The following GRIA4 variants were observed in gnomAD, a reference collection of about 807,000 sequenced individuals.
GRIA4 encodes glutamate ionotropic receptor AMPA type subunit 4, also known as glutamate receptor 4.
In GRIA4, 34 loss-of-function variants were observed where a neutral mutation model predicts 104.0. The ratio of observed to expected loss-of-function variants is 0.33; its 90% CI spans 0.25 to 0.44. The LOEUF (loss-of-function observed/expected upper bound fraction) is 0.44, where lower values mean the gene tolerates loss of function less well. Ranked by LOEUF, GRIA4 falls within the 20% of genes least tolerant of loss-of-function variation. The pLI, the probability that GRIA4 is intolerant of heterozygous loss-of-function variation, is 1.00. For missense variants in GRIA4, 750 were observed against 1,096.5 expected (o/e 0.68, Z 4.46); for synonymous variants, 386 against 381.9 (o/e 1.01, Z -0.13).
intron 3 of GRIA4, among the ~76,000 whole-genome samples, chr11:105,648,393 T>A (rs1331152740): frequency 6.6e-6 from 1 of 151,344 alleles, no homozygotes; most frequent in Non-Finnish European, 1.5e-5. Context: ...ATAATAAATA[T>A]TCTATTTTTA....
chr11:105,706,893 A>C (rs186370280), intron 3 of GRIA4: 2 of 152,430 alleles, frequency 1.3e-5, no homozygotes, highest in Non-Finnish European at 1.5e-5. Context: ...GAAGGCCTTA[A>C]GTTTGATCAA....
intron 3 of GRIA4, among the ~76,000 whole-genome samples, chr11:105,641,928 C>G (rs750449082): frequency 6.6e-6 from 1 of 152,118 alleles, no homozygotes; most frequent in Middle Eastern, 3.4e-3. Flanking sequence ...TTCTGGAGGC[C>G]GAAAGTCTGA....
rs182855011 is a variant in GRIA4, at chr11:105,981,653, G to A, written c.*1914G>A. ...CACATGAGCCCCTTCATGACCTGGC[G>A]CTTGCTTATTTCTTCCAGGACTTCT... is the stretch of plus-strand genomic sequence containing the variant. On this transcript the variant is annotated 3_prime_UTR_variant, in exon 17 of 17. Transcript: ENST00000282499. 448 of 151,474 alleles carry A rather than the reference G, an allele frequency of 3.0e-3. 4 individuals are homozygous for A. Among genetic ancestry groups the A allele is most frequent in the Middle Eastern group, 0.027 (8 of 296 alleles). The allele number at this position is 151,474 out of a possible 1,614,324, so 9.4% of individuals were successfully genotyped here. A position where few individuals can be genotyped will look rare whatever the true frequency, so the allele number is the denominator to read the frequency against.
intron 16 of GRIA4, among the ~76,000 whole-genome samples, chr11:105,979,374 A>G (rs900518483): frequency 2.0e-5 from 3 of 152,240 alleles, no homozygotes; most frequent in Non-Finnish European, 4.4e-5. Context: ...GTAGGACCAC[A>G]AACTCTAGAC....
At chr11:105,774,952 C>T (rs866737346) in intron 4 of GRIA4, among the ~76,000 whole-genome samples, 5 of 152,108 alleles carry the variant, frequency 3.3e-5, no homozygotes, top group South Asian at 2.1e-4. Flanking sequence ...CAATCCTGAA[C>T]GTCAGAAGGA....
intron 3 of GRIA4, among the ~76,000 whole-genome samples, chr11:105,666,289 T>C (rs1239702097): frequency 6.6e-6 from 1 of 152,088 alleles, no homozygotes; most frequent in African/African-American, 2.4e-5. Flanking sequence ...ATATTTTGAA[T>C]ACTATTATAT....
intron 14 of GRIA4, among the ~76,000 whole-genome samples, chr11:105,956,179 T>C (rs1161659813): frequency 2.6e-5 from 4 of 152,144 alleles, no homozygotes; most frequent in South Asian, 4.1e-4. Flanking sequence ...TACATATGTA[T>C]ACATGTGCCA....
intron 3 of GRIA4, among the ~76,000 whole-genome samples, chr11:105,643,975 T>A (rs928349610): frequency 6.6e-6 from 1 of 152,284 alleles, no homozygotes; most frequent in African/African-American, 2.4e-5. Flanking sequence ...TGCCTCGGCC[T>A]CCCAGAGTGC....
In GRIA4 at chr11:105,712,717, G is replaced by GT. The variant is rs139893501; in HGVS notation, c.248-40256dup. 3.0e-3 allele frequency among the ~76,000 whole-genome samples: 454 copies of GT among 151,168 alleles called. 6 individuals carry two copies. Among genetic ancestry groups the GT allele is most frequent in the African/African-American group, 0.011 (443 of 41,214 alleles). The stretch of plus-strand genomic sequence containing the variant: ...TTTGTTTTTGTTTTGCTTTGTTTTT[G>GT]TTTTTTTTAATATAGAGAAAGCTTT... On this transcript the variant is annotated intron_variant, in intron 3 of 16. Coordinates refer to ENST00000282499, the MANE Select transcript of GRIA4 (RefSeq NM_000829.4).
intron 10 of GRIA4, chr11:105,911,775 A>AATAT (rs60005308): frequency 0.094 from 6,967 of 74,216 alleles, 638 homozygotes; most frequent in Non-Finnish European, 0.11. Flanking sequence ...CTTGAAAAGC[A>AATAT]ATATATATAT....
chr11:105,787,568 T>A (rs1360248411), intron 4 of GRIA4, among the ~76,000 whole-genome samples: 1 of 145,054 alleles, frequency 6.9e-6, no homozygotes, highest in Admixed American at 7.3e-5. Context: ...TTCTGTCTCC[T>A]GGGTTCAAGC....
At chr11:105,944,311 G>T (rs1948253030) in intron 14 of GRIA4, among the ~76,000 whole-genome samples, 1 of 152,084 alleles carries the variant, frequency 6.6e-6, no homozygotes. Context: ...ACTTGATGAA[G>T]AATTTTAATA....
intron 4 of GRIA4, among the ~76,000 whole-genome samples, chr11:105,809,296 A>C (rs976371087): frequency 6.6e-6 from 1 of 152,194 alleles, no homozygotes; most frequent in African/African-American, 2.4e-5. Context: ...TACAAAGTGT[A>C]ATGATCAAAT....
intron 5 of GRIA4, among the ~76,000 whole-genome samples, chr11:105,881,231 C>T (rs1946045124): frequency 6.6e-6 from 1 of 152,112 alleles, no homozygotes; most frequent in Admixed American, 6.6e-5. Context: ...ACCAACTCCT[C>T]TCAGGAATTG....
At chr11:105,794,469 G>GTATATATATA (rs1200611859) in intron 4 of GRIA4, among the ~76,000 whole-genome samples, 549 of 40,634 alleles carry the variant, frequency 0.014, 100 homozygotes, top group Non-Finnish European at 0.018. Context: ...GTGTGTATAT[G>GTATATATATA]TATGTATATA....
chr11:105,732,671 C>A (rs533127569), intron 3 of GRIA4, among the ~76,000 whole-genome samples: 2 of 152,152 alleles, frequency 1.3e-5, no homozygotes, highest in African/African-American at 4.8e-5. Context: ...GATTTTTACA[C>A]GATCCAATGC....
intron 4 of GRIA4, among the ~76,000 whole-genome samples, chr11:105,800,541 AC>A (rs1469464863): frequency 6.6e-6 from 1 of 152,080 alleles, no homozygotes; most frequent in African/African-American, 2.4e-5. Flanking sequence ...GTTTCTCAAA[AC>A]AAAAATACAT....
intron 4 of GRIA4, among the ~76,000 whole-genome samples, chr11:105,766,881 A>T (rs1940970965): frequency 6.6e-6 from 1 of 152,088 alleles, no homozygotes; most frequent in African/African-American, 2.4e-5. Context: ...AGACTGCTTA[A>T]TGTTACCTTC....
At position 105,894,931 on chromosome 11, in the gene GRIA4, C is replaced by G. The variant is rs563501343; in HGVS notation, c.727-3338C>G. ...TCTCCTGCCTCAGCCTCCCGAGTAG[C>G]TGGGACTACAGGCGCCCGCCACCGC... On this transcript the variant is annotated intron_variant, in intron 6 of 16. Transcript: ENST00000282499. Among the ~76,000 whole-genome samples the G allele has an allele frequency of 2.0e-4, 27 of 138,428 alleles. 2 individuals carry two copies. Among genetic ancestry groups the G allele is most frequent in the Middle Eastern group, 3.6e-3 (1 of 276 alleles). The allele number at this position is 138,428 out of a possible 152,430, so 90.8% of individuals were successfully genotyped here. A position where few individuals can be genotyped will look rare whatever the true frequency, so the allele number is the denominator to read the frequency against.
Sources: allele counts gnomAD v4.1 joint callset (sites outside exome capture counted in the v4.1 genomes callset), GRCh38; gene constraint gnomAD v4.1.1; transcripts MANE v1.5; gene names NCBI Gene and HGNC (gene_info 2026-07-23, HGNC 2026-07-21).